The following SPIDR variants were observed in gnomAD, a reference collection of about 807,000 sequenced individuals.
SPIDR encodes the protein scaffold protein involved in DNA repair.
In SPIDR, 93 loss-of-function variants were observed where a neutral mutation model predicts 104.6. The ratio of observed to expected loss-of-function variants is 0.89; its 90% CI spans 0.75 to 1.06. The LOEUF (loss-of-function observed/expected upper bound fraction) is 1.06, where lower values mean the gene tolerates loss of function less well. Among genes scored for constraint, SPIDR ranks in the 50% least tolerant of loss-of-function variants. The pLI is 0.00. For synonymous variants in SPIDR, 431 were observed against 416.9 expected (o/e 1.03, Z -0.41); for missense variants, 1,154 against 1,111.2 (o/e 1.04, Z -0.55).
chr8:47,604,677 G>A (rs1035564046), intron 10 of SPIDR, among the ~76,000 whole-genome samples: 13 of 152,324 alleles, frequency 8.5e-5, no homozygotes, highest in African/African-American at 3.1e-4. Context: ...TGTTCAGAGA[G>A]TGAGCCTCAG....
rs577918649 is a variant in SPIDR at position 47,414,791 on chromosome 8, T to TA, written c.877+6831dup. Among the ~76,000 whole-genome samples, 183 of 152,348 alleles carry TA rather than the reference T, an allele frequency of 1.2e-3. 7 individuals carry two copies. The South Asian group carries it at 0.037, about 31-fold the overall frequency. Reference sequence around the variant, plus strand: ...AAATAAAACGTGCTGTGAACATTTGTATACCAGTTTTTGAGTGAACATATG... The same window carrying TA: ...AAATAAAACGTGCTGTGAACATTTGTAATACCAGTTTTTGAGTGAACATATG... On this transcript the variant is annotated intron_variant, in intron 7 of 19. Transcript: ENST00000297423.
chr8:47,309,251 A>G (rs782035461), intron 5 of SPIDR, among the ~76,000 whole-genome samples: 3 of 152,350 alleles, frequency 2.0e-5, no homozygotes, highest in African/African-American at 7.2e-5. Flanking sequence ...TTAATTATAG[A>G]AACATTGTAC....
At chr8:47,344,544 ACT>A (rs2051471040) in intron 5 of SPIDR, among the ~76,000 whole-genome samples, 1 of 152,228 alleles carries the variant, frequency 6.6e-6, no homozygotes, top group Non-Finnish European at 1.5e-5. Context: ...GAATCACCAC[ACT>A]GTCTTCCACA....
intron 8 of SPIDR, among the ~76,000 whole-genome samples, chr8:47,495,833 A>C (rs369352583): frequency 6.6e-6 from 1 of 152,182 alleles, no homozygotes; most frequent in Admixed American, 6.6e-5. Context: ...GTTGAAAATC[A>C]ATTCACTGTA....
Position 47,488,937 on chromosome 8 carries a change from C to G in SPIDR, c.1097+48395C>G, listed in dbSNP as rs554055139. On this transcript the variant is annotated intron_variant, in intron 8 of 19. Transcript: ENST00000297423. ...ACTGGAAGCATTCCCTTTGAAAACT[C>G]GCACAAGACAGGGATGCCCTCTCTC... Among the ~76,000 whole-genome samples, 210 of 151,998 alleles carry G rather than the reference C, an allele frequency of 1.4e-3. 1 individual carries two copies. Among genetic ancestry groups the G allele is most frequent in the South Asian group, 7.9e-3 (38 of 4,804 alleles).
chr8:47,440,253 C>T (rs1330175282), intron 7 of SPIDR, 70 bp from the exon 8 acceptor site: 3 of 1,360,490 alleles, frequency 2.2e-6, no homozygotes, highest in East Asian at 2.3e-5. Context: ...TTTTTCATGA[C>T]ACTTTATTCA....
intron 8 of SPIDR, among the ~76,000 whole-genome samples, chr8:47,537,468 A>G (rs2087118511): frequency 6.6e-6 from 1 of 152,204 alleles, no homozygotes; most frequent in South Asian, 2.1e-4. Flanking sequence ...CCAATCTAAA[A>G]AGGCTGCATG....
chr8:47,500,415 G>C (rs1178773693), intron 8 of SPIDR, among the ~76,000 whole-genome samples: 7 of 152,156 alleles, frequency 4.6e-5, no homozygotes, highest in Non-Finnish European at 1.0e-4. Flanking sequence ...ATTTTTTCAT[G>C]TGTCTTTTGG....
At chr8:47,538,509 A>T (rs781206241) in intron 8 of SPIDR, among the ~76,000 whole-genome samples, 25 of 152,134 alleles carry the variant, frequency 1.6e-4, no homozygotes, top group Non-Finnish European at 2.8e-4. Flanking sequence ...ATGCCACTGC[A>T]CCCCAACCTA....
At chr8:47,548,490 A>G (rs1468504190) in intron 8 of SPIDR, among the ~76,000 whole-genome samples, 1 of 152,198 alleles carries the variant, frequency 6.6e-6, no homozygotes, top group Non-Finnish European at 1.5e-5. Flanking sequence ...TCTACTAAAA[A>G]TACAAAAATT....
intron 14 of SPIDR, among the ~76,000 whole-genome samples, chr8:47,711,403 G>A (rs1391038112): frequency 1.3e-5 from 2 of 151,900 alleles, no homozygotes; most frequent in Non-Finnish European, 2.9e-5. Flanking sequence ...GAAATGCAGT[G>A]GCTCTTCACA....
chr8:47,416,017 C>G (rs1211643232), intron 7 of SPIDR, among the ~76,000 whole-genome samples: 1 of 152,108 alleles, frequency 6.6e-6, no homozygotes, highest in African/African-American at 2.4e-5. Context: ...AGACCAAGGC[C>G]GGCAGATCAC....
intron 8 of SPIDR, among the ~76,000 whole-genome samples, chr8:47,473,546 C>A (rs2075963465): frequency 6.6e-6 from 1 of 152,176 alleles, no homozygotes; most frequent in African/African-American, 2.4e-5. Context: ...ACCTTCACTG[C>A]CATCTTTTTC....
At chr8:47,313,283 C>A (rs1250160071) in intron 5 of SPIDR, among the ~76,000 whole-genome samples, 1 of 152,000 alleles carries the variant, frequency 6.6e-6, no homozygotes, top group Non-Finnish European at 1.5e-5. Context: ...AAACAGAGAG[C>A]CAAATCATGA....
intron 10 of SPIDR, among the ~76,000 whole-genome samples, chr8:47,608,616 A>G (rs546972181): frequency 1.3e-5 from 2 of 152,150 alleles, no homozygotes; most frequent in Non-Finnish European, 2.9e-5. Context: ...AAAATTTGTT[A>G]TTGTTGTCTT....
intron 7 of SPIDR, among the ~76,000 whole-genome samples, chr8:47,417,739 G>C (rs2064619634): frequency 6.6e-6 from 1 of 152,148 alleles, no homozygotes; most frequent in Admixed American, 6.5e-5. Flanking sequence ...TTTTCTTCTA[G>C]GGTTTTTATG....
At chr8:47,626,500 G>C (rs553415854) in intron 10 of SPIDR, among the ~76,000 whole-genome samples, 9 of 152,204 alleles carry the variant, frequency 5.9e-5, no homozygotes, top group African/African-American at 1.7e-4. Flanking sequence ...CTGACAAAGG[G>C]CTAATATCCA....
At chr8:47,425,341 A>G (rs1372930289) in intron 7 of SPIDR, among the ~76,000 whole-genome samples, 2 of 152,098 alleles carry the variant, frequency 1.3e-5, no homozygotes, top group Admixed American at 1.3e-4. Context: ...GTGAATAAGC[A>G]AGATCTGGTC....
intron 16 of SPIDR, 39 bp downstream of exon 16, chr8:47,713,680 C>T: frequency 6.2e-7 from 1 of 1,611,028 alleles, no homozygotes; most frequent in Non-Finnish European, 8.5e-7. Context: ...CTTATACTTT[C>T]TTAACTGTTA....
Sources: gnomAD v4.1 joint callset for allele counts (sites outside exome capture counted in the v4.1 genomes callset) on GRCh38, gnomAD v4.1.1 for gene constraint, MANE v1.5 for transcripts, NCBI Gene and HGNC (gene_info 2026-07-23, HGNC 2026-07-21) for gene names.